The following FAM118B variants were observed in gnomAD, a reference collection of about 807,000 sequenced individuals.
FAM118B encodes SIR2 antiphage like 1.
Under a neutral mutation model 38.5 loss-of-function variants are expected in FAM118B, and 24 were observed. The observed-to-expected ratio is 0.62, with a 90% CI of 0.45 to 0.88. The LOEUF is 0.88. FAM118B is among the 40% of genes least tolerant of loss of function. FAM118B has a pLI of 0.00. For missense variants in FAM118B, 334 were observed against 420.0 expected, an observed-to-expected ratio of 0.80 and a Z score of 1.79; for synonymous variants, 138 against 156.3, an observed-to-expected ratio of 0.88 and a Z score of 0.87.
chr11:126,228,336 A>G (rs1289777651), intron 1 of FAM118B, among the ~76,000 whole-genome samples: 1 of 150,404 alleles, frequency 6.6e-6, no homozygotes, highest in African/African-American at 2.5e-5. Flanking sequence ...AGTAGCTGGG[A>G]TTACAGGTGT....
At chr11:126,257,621 T>TG (rs398017962) in intron 7 of FAM118B, among the ~76,000 whole-genome samples, 1 of 151,500 alleles carries the variant, frequency 6.6e-6, no homozygotes, top group Non-Finnish European at 1.5e-5. Context: ...TTTTTTTTTT[T>TG]GGTGCGTGTA....
In FAM118B at chr11:126,214,517, T is replaced by TTTTTTTTTTTTTTG. The variant is rs1565322489; in HGVS notation, c.-77+2697_-77+2698insTTTGTTTTTTTTTT. On this transcript the variant is annotated intron_variant, in intron 1 of 8. Transcript: ENST00000533050. ...TTTTTTTTTTTGTTTTTTTTTTGTT[T>TTTTTTTTTTTTTTG]TTTTTTTTTTACCTCTATATTGCCT... 2 of 95,442 alleles carry TTTTTTTTTTTTTTG rather than the reference T, an allele frequency of 2.1e-5. 1 individual carries two copies. The highest frequency in any genetic ancestry group is 7.8e-5 in the African/African-American group (2 of 25,732). The allele number at this position is 95,442 out of a possible 1,614,324, so 5.9% of individuals were successfully genotyped here.
At chr11:126,248,666 G>A (rs911152331) in intron 4 of FAM118B, among the ~76,000 whole-genome samples, 2 of 152,024 alleles carry the variant, frequency 1.3e-5, no homozygotes, top group African/African-American at 2.4e-5. Context: ...CAGCACGCCC[G>A]GCCCAGACTC....
At chr11:126,232,691 GT>G (rs1432376086) in intron 2 of FAM118B, among the ~76,000 whole-genome samples, 20 of 150,792 alleles carry the variant, frequency 1.3e-4, no homozygotes, top group South Asian at 4.2e-4. Context: ...GTTTTTTAAA[GT>G]TTTTTTAAAA....
intron 1 of FAM118B, among the ~76,000 whole-genome samples, chr11:126,217,169 C>G (rs768724519): frequency 1.3e-5 from 2 of 152,248 alleles, no homozygotes; most frequent in Non-Finnish European, 2.9e-5. Flanking sequence ...CACTTATTCT[C>G]TCATCAATGT....
chr11:126,256,274 T>C lies in FAM118B; in HGVS notation c.697-293T>C, dbSNP rs1272482211. Among the ~76,000 whole-genome samples, 1 of 152,144 alleles carries C rather than the reference T, an allele frequency of 6.6e-6. No homozygotes were observed. Among genetic ancestry groups the C allele is most frequent in the Non-Finnish European group, 1.5e-5 (1 of 68,034 alleles). On this transcript the variant is annotated intron_variant, in intron 6 of 8. Coordinates refer to ENST00000533050, the MANE Select transcript of FAM118B (RefSeq NM_024556.4). The surrounding 1 kb of genome is among the most constrained non-coding windows in gnomAD (Gnocchi z 6.6). Reference sequence around the variant, plus strand: ...GAGTGAGACTCCGTCTCAAAAAATATATAAAGCATAAAAAATAAAGAAGTA... The same window carrying C: ...GAGTGAGACTCCGTCTCAAAAAATACATAAAGCATAAAAAATAAAGAAGTA...
At chr11:126,254,473 C>T in intron 6 of FAM118B, 40 bp downstream of exon 6, 1 of 1,609,544 alleles carries the variant, frequency 6.2e-7, no homozygotes, top group Non-Finnish European at 8.5e-7. Context: ...GAACTCCTTC[C>T]TGGGAAATCT....
rs117887583 is a variant in FAM118B, at chr11:126,229,302, A to T, written c.-8+9A>T. 2.0e-5 allele frequency: 3 copies of T among 152,354 alleles called. No individual in the cohort carries two copies. In the East Asian group the frequency reaches 5.8e-4, roughly 29 times the overall value. 9.4% of individuals were successfully genotyped at this position (152,354 alleles called of 1,614,324 possible). On this transcript the variant is annotated intron_variant, in intron 2 of 8. Coordinates refer to ENST00000533050, the MANE Select transcript of FAM118B (RefSeq NM_024556.4). Reference sequence around the variant, plus strand: ...TTGTCATTCTTTGCACGGTAAAATCATCACCTCCAGTCACCAACTTCTAAT... The same window carrying T: ...TTGTCATTCTTTGCACGGTAAAATCTTCACCTCCAGTCACCAACTTCTAAT...
rs908033174 is a variant in FAM118B, at chr11:126,232,722, T to TA, written c.-7-2266dup. Among the ~76,000 whole-genome samples, 7 of 151,106 alleles carry TA rather than the reference T, an allele frequency of 4.6e-5. No individual in the cohort carries two copies. The South Asian group carries it at 6.2e-4, about 13-fold the overall frequency. ...TTAAAACTTAAAAAATATTTTTTTTTAAAAAAATATATTTTTTCCTTAAAA... is the reference window on the plus strand; with the variant it reads ...TTAAAACTTAAAAAATATTTTTTTTTAAAAAAAATATATTTTTTCCTTAAAA... On this transcript the variant is annotated intron_variant, in intron 2 of 8. Transcript: ENST00000533050.
At chr11:126,249,762 AAAAG>A (rs1950472981) in intron 4 of FAM118B, among the ~76,000 whole-genome samples, 1 of 150,512 alleles carries the variant, frequency 6.6e-6, no homozygotes, top group South Asian at 2.1e-4. Flanking sequence ...AAAGAAAAAG[AAAAG>A]GAGATGCCAA....
chr11:126,242,941 T>C (rs1950376683), intron 4 of FAM118B, among the ~76,000 whole-genome samples: 1 of 152,222 alleles, frequency 6.6e-6, no homozygotes, highest in Non-Finnish European at 1.5e-5. Flanking sequence ...TTATTCATAA[T>C]AGCCAAAATA....
chr11:126,215,480 C>T (rs1394069345), intron 1 of FAM118B, among the ~76,000 whole-genome samples: 12 of 150,554 alleles, frequency 8.0e-5, no homozygotes, highest in African/African-American at 2.4e-4. Flanking sequence ...GGGCGGATCA[C>T]GAGATCAGGA....
At chr11:126,224,624 T>C (rs1208486059) in intron 1 of FAM118B, among the ~76,000 whole-genome samples, 1 of 151,710 alleles carries the variant, frequency 6.6e-6, no homozygotes, top group African/African-American at 2.4e-5. Flanking sequence ...TAGAGTAGCA[T>C]CATTGAGAAG....
intron 1 of FAM118B, among the ~76,000 whole-genome samples, chr11:126,224,803 T>C (rs894043516): frequency 2.0e-5 from 3 of 152,152 alleles, no homozygotes; most frequent in African/African-American, 4.8e-5. Context: ...TGTGAGAATA[T>C]CTTGGCTTCC....
chr11:126,220,193 G>A (rs1456454207), intron 1 of FAM118B, among the ~76,000 whole-genome samples: 2 of 152,114 alleles, frequency 1.3e-5, no homozygotes, highest in Admixed American at 6.5e-5. Context: ...CAAATCTGGG[G>A]GAAAGGTGCT....
intron 7 of FAM118B, among the ~76,000 whole-genome samples, chr11:126,258,516 T>G (rs977504261): frequency 3.3e-5 from 5 of 152,234 alleles, no homozygotes; most frequent in African/African-American, 1.2e-4. Context: ...TTACACAGCT[T>G]CTTCCATGGC....
chr11:126,233,484 TCAAAAACAAAA>T (rs141177351), intron 2 of FAM118B: 15,698 of 265,554 alleles, frequency 0.059, 1,943 homozygotes, highest in African/African-American at 0.29. Flanking sequence ...AAACTCTGTC[TCAAAAACAAAA>T]CAAAACAAAA....
In FAM118B at chr11:126,244,046, CCA is replaced by C. The variant is rs1234283079; in HGVS notation, c.339+3006_339+3007del. 2.6e-5 allele frequency among the ~76,000 whole-genome samples: 4 copies of C among 151,814 alleles called. No homozygotes were observed. Among genetic ancestry groups the C allele is most frequent in the Non-Finnish European group, 5.9e-5 (4 of 67,972 alleles). ...TCTTTCATGATTTTTTTTAAAAAAGCCACACTCTACAAATGAAGGAATAATAG... is the reference window on the plus strand; with the variant it reads ...TCTTTCATGATTTTTTTTAAAAAAGCCACTCTACAAATGAAGGAATAATAG... On this transcript the variant is annotated intron_variant, in intron 4 of 8. Coordinates refer to ENST00000533050, the MANE Select transcript of FAM118B (RefSeq NM_024556.4). This position sits in a 1 kb window ranked among gnomAD's most constrained non-coding sequence, Gnocchi z 4.5.
chr11:126,218,048 C>T (rs1950003734), intron 1 of FAM118B, among the ~76,000 whole-genome samples: 1 of 152,346 alleles, frequency 6.6e-6, no homozygotes, highest in Non-Finnish European at 1.5e-5. Flanking sequence ...GCTGGCTTCT[C>T]ACAGACGGTT....
Sources: gnomAD v4.1 joint callset for allele counts (sites outside exome capture counted in the v4.1 genomes callset) on GRCh38, gnomAD v4.1.1 for gene constraint, Gnocchi (gnomAD v3.1) non-coding constraint, MANE v1.5 for transcripts, NCBI Gene and HGNC (gene_info 2026-07-23, HGNC 2026-07-21) for gene names.